The following TTLL5 variants were observed in gnomAD, a reference collection of about 807,000 sequenced individuals.
The protein encoded by TTLL5 is tubulin tyrosine ligase like 5.
TTLL5 carries 132 observed loss-of-function variants against 168.4 expected under a neutral mutation model. The observed-to-expected ratio is 0.78, with a 90% CI of 0.68 to 0.91. TTLL5 has a LOEUF of 0.91. Ranked by LOEUF, TTLL5 falls within the 40% of genes least tolerant of loss-of-function variation. TTLL5 has a pLI of 0.00. For synonymous variants in TTLL5, 546 were observed against 558.6 expected, an observed-to-expected ratio of 0.98 and a Z score of 0.32; for missense variants, 1,545 against 1,581.5, an observed-to-expected ratio of 0.98 and a Z score of 0.39.
At chr14:75,676,000 T>A (rs1313057562) in intron 3 of TTLL5, among the ~76,000 whole-genome samples, 1 of 152,208 alleles carries the variant, frequency 6.6e-6, no homozygotes, top group Non-Finnish European at 1.5e-5. Flanking sequence ...TAGATTCCAC[T>A]CTGAGTCTGA....
chr14:75,872,397 A>G (rs561529898), intron 29 of TTLL5, among the ~76,000 whole-genome samples: 1 of 152,352 alleles, frequency 6.6e-6, no homozygotes, highest in East Asian at 1.9e-4. Flanking sequence ...CATAAATAAG[A>G]AAGGCAGCAT....
intron 15 of TTLL5, among the ~76,000 whole-genome samples, chr14:75,741,930 AG>A (rs1406630521): frequency 5.3e-5 from 8 of 152,210 alleles, no homozygotes; most frequent in Admixed American, 4.6e-4. Flanking sequence ...AAACCACATT[AG>A]GTTAGTAGGA....
chr14:75,730,353 C>T (rs1438715937), intron 12 of TTLL5, among the ~76,000 whole-genome samples: 1 of 152,158 alleles, frequency 6.6e-6, no homozygotes. Context: ...GCTATGAATT[C>T]ATTGCGAAAA....
intron 25 of TTLL5, 103 bp from the exon 26 acceptor site, chr14:75,783,044 G>C: frequency 8.0e-7 from 1 of 1,254,186 alleles, no homozygotes; most frequent in East Asian, 2.5e-5. Flanking sequence ...TCTGTTTCAT[G>C]CCAAGATTAT....
At chr14:75,828,663 A>C (rs888931381) in intron 28 of TTLL5, among the ~76,000 whole-genome samples, 2 of 152,198 alleles carry the variant, frequency 1.3e-5, no homozygotes, top group African/African-American at 4.8e-5. Flanking sequence ...CATTCTTTTG[A>C]AACTGGGTTG....
chr14:75,707,195 T>G, intron 8 of TTLL5, 108 bp downstream of exon 8: 2 of 852,668 alleles, frequency 2.3e-6, no homozygotes, highest in Non-Finnish European at 1.9e-6. Flanking sequence ...TGTGAAATTC[T>G]TGACATGTGT....
intron 31 of TTLL5, chr14:75,930,768 A>G: frequency 2.3e-6 from 1 of 443,540 alleles, no homozygotes; most frequent in Non-Finnish European, 3.0e-6. Flanking sequence ...TCTAAGATCA[A>G]CCTTAGCCGG....
chr14:75,706,747 CTTATTTAT>C lies in TTLL5; in HGVS notation c.586-249_586-242del, dbSNP rs537009993. 2.9e-3 allele frequency among the ~76,000 whole-genome samples: 438 copies of C among 151,086 alleles called. 2 individuals are homozygous for C. The highest frequency in any genetic ancestry group is 9.8e-3 in the African/African-American group (405 of 41,200). On this transcript the variant is annotated intron_variant, in intron 7 of 31. Coordinates refer to ENST00000298832, the MANE Select transcript of TTLL5 (RefSeq NM_015072.5). ...TATATACATCTTTAAGGCTATTAGG[CTTATTTAT>C]TTATTTATTTATTTATTTATTATTT...
chr14:75,735,263 A>G lies in TTLL5; in HGVS notation c.1255A>G (p.Arg419Gly), dbSNP rs143853946. ...AATTTATCCCACCTTTGAGTCTTCCAGGCGAAACCCTTTCCAGAAACCTCA... is the reference window on the plus strand; with the variant it reads ...AATTTATCCCACCTTTGAGTCTTCCGGGCGAAACCCTTTCCAGAAACCTCA... ...RPIYPTFESS[R>G]RNPFQKPQRC... The change falls in exon 15 of 32, where the codon AGG becomes GGG. Residue 419 changes from arginine (R) to glycine (G), a missense_variant. Coordinates refer to ENST00000298832, the MANE Select transcript of TTLL5 (RefSeq NM_015072.5). 2.0e-4 allele frequency: 325 copies of G among 1,614,080 alleles called. No individual in the cohort carries two copies. The highest frequency in any genetic ancestry group is 2.6e-4 in the Non-Finnish European group (311 of 1,180,004).
Position 75,858,980 on chromosome 14 carries a change from G to A in TTLL5, c.3327-4687G>A, listed in dbSNP as rs145231398. ...CAGTGACACCTCCACCCCCATCATT[G>A]TGACAATTGAAAGCACACTCACAGT... On this transcript the variant is annotated intron_variant, in intron 28 of 31. Transcript: ENST00000298832. Among the ~76,000 whole-genome samples, 1,050 of 152,194 alleles carry A rather than the reference G, an allele frequency of 6.9e-3. 2 individuals carry two copies. The highest frequency in any genetic ancestry group is 0.022 in the Admixed American group (335 of 15,288).
At chr14:75,924,572 A>T (rs932185600) in intron 31 of TTLL5, among the ~76,000 whole-genome samples, 2 of 151,922 alleles carry the variant, frequency 1.3e-5, no homozygotes, top group Admixed American at 6.5e-5. Context: ...TGGACACAGC[A>T]CATGTTTCAG....
At chr14:75,759,232 C>G (rs1890476358) in intron 18 of TTLL5, among the ~76,000 whole-genome samples, 1 of 152,056 alleles carries the variant, frequency 6.6e-6, no homozygotes, top group Admixed American at 6.5e-5. Flanking sequence ...GATATTAAGG[C>G]AATATTATTA....
intron 28 of TTLL5, among the ~76,000 whole-genome samples, chr14:75,850,545 A>G (rs1595148100): frequency 6.6e-6 from 1 of 151,922 alleles, no homozygotes; most frequent in East Asian, 1.9e-4. Flanking sequence ...TTATTCATTC[A>G]TATTTATTTA....
At chr14:75,721,172 C>A (rs1009007552) in intron 12 of TTLL5, among the ~76,000 whole-genome samples, 1 of 152,076 alleles carries the variant, frequency 6.6e-6, no homozygotes, top group Non-Finnish European at 1.5e-5. Flanking sequence ...CATTCCTCTT[C>A]CACTTTCTTT....
chr14:75,739,859 A>T (rs1233628170), intron 15 of TTLL5, among the ~76,000 whole-genome samples: 2 of 152,156 alleles, frequency 1.3e-5, no homozygotes, highest in Non-Finnish European at 2.9e-5. Flanking sequence ...CACACTTTTG[A>T]GTCTTTTGAT....
chr14:75,813,194 C>CTG (rs61154954), intron 27 of TTLL5, among the ~76,000 whole-genome samples: 93,084 of 142,390 alleles, frequency 0.65, 30,523 homozygotes, highest in Admixed American at 0.74. Context: ...CTGGAACAAG[C>CTG]TGTGTGTGTG....
intron 12 of TTLL5, among the ~76,000 whole-genome samples, chr14:75,721,174 ACTTT>A (rs1018083838): frequency 6.6e-6 from 1 of 150,876 alleles, no homozygotes; most frequent in African/African-American, 2.4e-5. Flanking sequence ...TTCCTCTTCC[ACTTT>A]CTTTTCTCTT....
chr14:75,783,645 C>T, intron 26 of TTLL5, 115 bp downstream of exon 26: 2 of 1,379,880 alleles, frequency 1.4e-6, no homozygotes, highest in Non-Finnish European at 2.0e-6. Flanking sequence ...GAAATGGACA[C>T]ACACTGCATT....
intron 6 of TTLL5, among the ~76,000 whole-genome samples, chr14:75,697,230 T>A (rs1238420955): frequency 6.6e-6 from 1 of 152,240 alleles, no homozygotes; most frequent in Non-Finnish European, 1.5e-5. Flanking sequence ...AAATATTTAT[T>A]CTCTGGCTTT....
Sources: gnomAD v4.1 joint callset for allele counts (sites outside exome capture counted in the v4.1 genomes callset) on GRCh38, gnomAD v4.1.1 for gene constraint, MANE v1.5 for transcripts, NCBI Gene and HGNC (gene_info 2026-07-23, HGNC 2026-07-21) for gene names.